Variants in UBAP2 observed in about 807,000 individuals in gnomAD.
UBAP2 encodes the protein ubiquitin-associated protein 2.
UBAP2 carries 75 observed loss-of-function variants against 139.6 expected under a neutral mutation model. That is an observed-to-expected ratio of 0.54 (90% CI 0.45 to 0.65). The LOEUF is 0.65. Among genes scored for constraint, UBAP2 ranks in the 30% least tolerant of loss-of-function variants. The pLI, the probability that UBAP2 is intolerant of heterozygous loss-of-function variation, is 0.00. For synonymous variants in UBAP2, 526 were observed against 526.2 expected (o/e 1.00, Z 0.01); for missense variants, 1,368 against 1,369.6 (o/e 1.00, Z 0.02).
At chr9:34,029,140 C>A (rs1383531171) in intron 1 of UBAP2, among the ~76,000 whole-genome samples, 2 of 152,068 alleles carry the variant, frequency 1.3e-5, no homozygotes, top group Non-Finnish European at 2.9e-5. Context: ...AAACTCTTAA[C>A]AGTTCCTAAA....
In UBAP2 at chr9:34,008,961, CAAAAAAAAA is replaced by C. The variant is rs773189067; in HGVS notation, c.99+8080_99+8088del. On this transcript the variant is annotated intron_variant, in intron 2 of 28. Transcript: ENST00000379238. Reference sequence around the variant, plus strand: ...GCCTGGCGACACAGCGAGACTGTCTCAAAAAAAAAAAAAAAAAAAAAAAAAAGTTAACAT... The same window carrying C: ...GCCTGGCGACACAGCGAGACTGTCTCAAAAAAAAAAAAAAAAAGTTAACAT... Among the ~76,000 whole-genome samples the C allele has an allele frequency of 3.2e-4, 21 of 65,710 alleles. 1 individual carries two copies. The East Asian group carries it at 8.7e-3, about 27-fold the overall frequency. 43.1% of individuals were successfully genotyped at this position (65,710 alleles called of 152,430 possible).
chr9:33,923,319 A>C (rs763198000), intron 25 of UBAP2, 26 bp from the exon 26 acceptor site: 2 of 1,614,038 alleles, frequency 1.2e-6, no homozygotes, highest in East Asian at 4.5e-5. Context: ...ACAAGAGGCA[A>C]GTGTGAGCCA....
chr9:33,953,508 T>C (rs139029922), intron 11 of UBAP2, 34 bp from the exon 12 acceptor site: 1 of 1,579,782 alleles, frequency 6.3e-7, no homozygotes, highest in East Asian at 2.3e-5. Context: ...GAACCAGTCA[T>C]AAGCAAATCT....
At chr9:33,969,549 T>C (rs1827734434) in intron 8 of UBAP2, among the ~76,000 whole-genome samples, 1 of 106,750 alleles carries the variant, frequency 9.4e-6, no homozygotes, top group Admixed American at 8.3e-5. Flanking sequence ...ATGCTCTCTC[T>C]TTAAAAAAAA....
At chr9:33,962,856 T>C (rs1827173705) in intron 9 of UBAP2, among the ~76,000 whole-genome samples, 1 of 147,496 alleles carries the variant, frequency 6.8e-6, no homozygotes, top group Non-Finnish European at 1.5e-5. Context: ...CTCACACCTG[T>C]AAATCCCGGC....
intron 9 of UBAP2, among the ~76,000 whole-genome samples, chr9:33,962,578 G>A (rs1299724764): frequency 4.6e-5 from 7 of 151,856 alleles, no homozygotes; most frequent in East Asian, 1.9e-4. Flanking sequence ...CCCAGGAGGC[G>A]GAGGTTGCAG....
intron 4 of UBAP2, among the ~76,000 whole-genome samples, chr9:33,992,389 C>CA (rs33969994): frequency 0.13 from 10,573 of 80,018 alleles, 1,041 homozygotes; most frequent in African/African-American, 0.23. Context: ...AACTCCATCT[C>CA]AAAAAAAAAA....
At chr9:33,953,566 A>G in intron 11 of UBAP2, 92 bp from the exon 12 acceptor site, 2 of 1,304,024 alleles carry the variant, frequency 1.5e-6, no homozygotes, top group South Asian at 1.5e-5. Flanking sequence ...GTGAATTTAC[A>G]TTAAAAATCA....
intron 9 of UBAP2, among the ~76,000 whole-genome samples, chr9:33,962,667 A>ATT: frequency 1.4e-5 from 2 of 147,022 alleles, no homozygotes; most frequent in Non-Finnish European, 3.0e-5. Flanking sequence ...TAAATAAATA[A>ATT]ATAAATAAAT....
chr9:34,021,280 G>C (rs1283654028), intron 1 of UBAP2, among the ~76,000 whole-genome samples: 2 of 152,136 alleles, frequency 1.3e-5, no homozygotes, highest in East Asian at 3.8e-4. Flanking sequence ...AAAGGCCACA[G>C]ACATATTATT....
intron 4 of UBAP2, among the ~76,000 whole-genome samples, chr9:33,991,562 T>C (rs1197118206): frequency 6.6e-6 from 1 of 152,198 alleles, no homozygotes; most frequent in African/African-American, 2.4e-5. Context: ...TAGGAGCCTA[T>C]GTACTTACTG....
At chr9:34,024,203 G>A (rs977281332) in intron 1 of UBAP2, among the ~76,000 whole-genome samples, 2 of 151,054 alleles carry the variant, frequency 1.3e-5, no homozygotes, top group Admixed American at 6.6e-5. Context: ...TTAGCCGGGC[G>A]TGGGGGCACA....
At chr9:34,004,800 G>A (rs7871320) in intron 2 of UBAP2, among the ~76,000 whole-genome samples, 19,109 of 144,528 alleles carry the variant, frequency 0.13, 1,537 homozygotes, top group African/African-American at 0.23. Context: ...AAAAAATAGG[G>A]AAAAAAAAAG....
chr9:33,933,019 A>T (rs1824131857), intron 18 of UBAP2, among the ~76,000 whole-genome samples: 1 of 152,216 alleles, frequency 6.6e-6, no homozygotes, highest in Admixed American at 6.5e-5. Context: ...CTAGCTAAAG[A>T]GTGATGGAGA....
At chr9:34,042,771 CT>C (rs370105435) in intron 1 of UBAP2, among the ~76,000 whole-genome samples, 1,979 of 146,716 alleles carry the variant, frequency 0.013, 21 homozygotes, top group South Asian at 0.054. Flanking sequence ...GTTCATTTTA[CT>C]TTTTTTTTTT....
At chr9:33,936,987 G>T (rs1050565785) in intron 16 of UBAP2, among the ~76,000 whole-genome samples, 2 of 137,814 alleles carry the variant, frequency 1.5e-5, no homozygotes. Context: ...TGAAGGAATT[G>T]AATTTACAAT....
chr9:33,995,545 AT>A lies in UBAP2; in HGVS notation c.288+677del, dbSNP rs1232962196. 2.5e-5 allele frequency: 3 copies of A among 119,624 alleles called. No homozygotes were observed. The East Asian group carries it at 6.3e-4, about 25-fold the overall frequency. The allele number at this position is 119,624 out of a possible 1,614,324, so 7.4% of individuals were successfully genotyped here. Reference sequence around the variant, plus strand: ...TATAAATATATTTATATTATTAAATATATTATTAAATAATTTAATTTAATTT... The same window carrying A: ...TATAAATATATTTATATTATTAAATAATTATTAAATAATTTAATTTAATTT... On this transcript the variant is annotated intron_variant, in intron 4 of 28. Coordinates refer to ENST00000379238, the MANE Select transcript of UBAP2 (RefSeq NM_001370062.2).
chr9:33,939,921 A>G (rs59466509), intron 16 of UBAP2, among the ~76,000 whole-genome samples: 1 of 61,908 alleles, frequency 1.6e-5, no homozygotes, highest in Non-Finnish European at 3.1e-5. Context: ...GGAGGAGAAG[A>G]AGAGGAGAAG....
At chr9:33,948,748 A>G (rs986878892) in intron 12 of UBAP2, 161 bp from the exon 13 acceptor site, 2 of 571,272 alleles carry the variant, frequency 3.5e-6, no homozygotes, top group African/African-American at 3.7e-5. Context: ...AAATATTACT[A>G]TGCAATGAAA....
Sources: allele counts gnomAD v4.1 joint callset (sites outside exome capture counted in the v4.1 genomes callset), GRCh38; gene constraint gnomAD v4.1.1; transcripts MANE v1.5; gene names NCBI Gene and HGNC (gene_info 2026-07-23, HGNC 2026-07-21).